IARS2: variants seen among roughly 807,000 people sequenced by gnomAD.
The protein encoded by IARS2 is isoleucyl-tRNA synthetase 2, mitochondrial.
A neutral mutation model predicts 126.3 loss-of-function variants in IARS2; 56 were observed. The observed-to-expected ratio is 0.44, with a 90% confidence interval of 0.36 to 0.55. The LOEUF is 0.55. Ranked by LOEUF, IARS2 falls within the 20% of genes least tolerant of loss-of-function variation. IARS2 has a pLI of 0.00. For synonymous variants in IARS2, 407 were observed against 441.1 expected, an observed-to-expected ratio of 0.92 and a Z score of 0.97; for missense variants, 1,127 against 1,245.9, an observed-to-expected ratio of 0.90 and a Z score of 1.44.
intron 14 of IARS2, among the ~76,000 whole-genome samples, chr1:220,128,534 G>A (rs1657197528): frequency 6.6e-6 from 1 of 152,068 alleles, no homozygotes; most frequent in Non-Finnish European, 1.5e-5. Context: ...AATCACCTAA[G>A]GACACATTTC....
rs137961544 is a variant in IARS2, at chr1:220,134,285, C to G, written c.1838-117C>G. ...TTAAGGTGGCATCTGTCAGTTTTCT[C>G]TATTGTAAAGTTACTTCCCTTCCTC... On this transcript the variant is annotated intron_variant, in intron 14 of 22. Transcript: ENST00000366922. 6.4e-5 allele frequency: 43 copies of G among 670,548 alleles called. No homozygotes were observed. In the African/African-American group the frequency reaches 7.0e-4, roughly 11 times the overall value. 41.5% of individuals were successfully genotyped at this position (670,548 alleles called of 1,614,324 possible).
In IARS2 at chr1:220,094,222, T is replaced by C. The variant is rs758280184; in HGVS notation, c.6T>C (p.Arg2=). 7.6e-6 allele frequency: 12 copies of C among 1,580,484 alleles called. No individual in the cohort carries two copies. In the African/African-American group the frequency reaches 8.2e-5, roughly 11 times the overall value. Residue 2 remains arginine, a synonymous_variant, in exon 1 of 23, where the codon CGT becomes CGC. Coordinates refer to ENST00000366922, the MANE Select transcript of IARS2 (RefSeq NM_018060.4). The part of the protein sequence containing the change: M[R]WGLRPRGPGA... ...CTCTCAGGGGTTGCCGGACCATGCG[T>C]TGGGGGCTGCGCCCTCGCGGGCCGG...
rs1337448875 is a variant in IARS2 at position 220,107,139 on chromosome 1, G to A, written c.1315G>A (p.Gly439Arg). The change falls in exon 10 of 23, where the codon GGA becomes AGA. Residue 439 changes from glycine (G) to arginine (R), a missense_variant. Physicochemically the swap from Gly to Arg is moderately radical, Grantham distance 125. Transcript: ENST00000366922. ...ELQNKAVLEE[G>R]TDVVIKMLQT... ...TCAAAACAAGGCTGTCCTTGAAGAGGGAACTGATGTGGGTGAGCATCATAT... is the reference window on the plus strand; with the variant it reads ...TCAAAACAAGGCTGTCCTTGAAGAGAGAACTGATGTGGGTGAGCATCATAT... The A allele has an allele frequency of 6.2e-7, 1 of 1,610,908 alleles. No homozygotes were observed. Among genetic ancestry groups the A allele is most frequent in the Non-Finnish European group, 8.5e-7 (1 of 1,177,208 alleles).
At chr1:220,103,018 A>T (rs1186923040) in intron 7 of IARS2, among the ~76,000 whole-genome samples, 2 of 151,622 alleles carry the variant, frequency 1.3e-5, no homozygotes, top group African/African-American at 4.8e-5. Context: ...GTACAGTTTG[A>T]TCTTGAAGTC....
rs1335453277 is a variant in IARS2, at chr1:220,147,498, G to A, written c.2902G>A (p.Asp968Asn). 20 of 1,613,784 alleles carry A rather than the reference G, an allele frequency of 1.2e-5. No homozygotes were observed. Among genetic ancestry groups the A allele is most frequent in the Non-Finnish European group, 1.6e-5 (19 of 1,179,854 alleles). Residue 968 changes from aspartate to asparagine, a missense_variant, in exon 23 of 23, where the codon GAT (aspartate) becomes AAT (asparagine). By Grantham distance (23) the Asp-to-Asn change is conservative. Transcript: ENST00000366922. ...GKFLINLEGG[D>N]IREESSYKVI... ...CTTCATGTATTTTTTTATAGGTGGT[G>A]ATATTCGTGAAGAGTCTTCCTATAA...
chr1:220,134,315 CTAATTGTTAT>C, intron 14 of IARS2, 77 bp from the exon 15 acceptor site: 1 of 904,686 alleles, frequency 1.1e-6, no homozygotes, highest in Non-Finnish European at 1.6e-6. Context: ...TTCCTCCCCA[CTAATTGTTAT>C]TAATAAGTAT....
Position 220,147,843 on chromosome 1 carries a change from A to G in IARS2, c.*208A>G, listed in dbSNP as rs1657639015. 1 of 558,228 alleles carries G rather than the reference A, an allele frequency of 1.8e-6. No individual in the cohort carries two copies. Among genetic ancestry groups the G allele is most frequent in the South Asian group, 2.8e-5 (1 of 36,028 alleles). 34.6% of individuals were successfully genotyped at this position (558,228 alleles called of 1,614,324 possible). On this transcript the variant is annotated 3_prime_UTR_variant, in exon 23 of 23. Transcript: ENST00000366922. ...TGTATATATACATGCAGAAATATATATGTGTGTGTGTATCTGTGGATGGAT... is the reference window on the plus strand; with the variant it reads ...TGTATATATACATGCAGAAATATATGTGTGTGTGTGTATCTGTGGATGGAT...
intron 14 of IARS2, among the ~76,000 whole-genome samples, chr1:220,128,837 TA>T (rs1485511293): frequency 6.6e-6 from 1 of 152,160 alleles, no homozygotes; most frequent in Non-Finnish European, 1.5e-5. Context: ...TCAAGTGGGT[TA>T]AAATCCATGA....
At chr1:220,118,956 A>G (rs954788101) in intron 12 of IARS2, among the ~76,000 whole-genome samples, 1 of 152,192 alleles carries the variant, frequency 6.6e-6, no homozygotes, top group African/African-American at 2.4e-5. Flanking sequence ...TAAATTTAGT[A>G]AACAAATGTG....
At chr1:220,123,578 A>G (rs1001210278) in intron 12 of IARS2, among the ~76,000 whole-genome samples, 3 of 152,042 alleles carry the variant, frequency 2.0e-5, no homozygotes, top group African/African-American at 7.2e-5. Context: ...GGTTCACGCC[A>G]TTCTCCTGCC....
intron 14 of IARS2, among the ~76,000 whole-genome samples, chr1:220,133,716 A>G (rs2102836730): frequency 6.6e-6 from 1 of 152,274 alleles, no homozygotes; most frequent in South Asian, 2.1e-4. Context: ...CATGCTCTTC[A>G]TCTAGATTTC....
intron 2 of IARS2, among the ~76,000 whole-genome samples, chr1:220,099,737 A>G (rs1248728444): frequency 6.6e-6 from 1 of 152,176 alleles, no homozygotes; most frequent in Non-Finnish European, 1.5e-5. Flanking sequence ...TTATATGATG[A>G]TTGATTTAAA....
intron 13 of IARS2, among the ~76,000 whole-genome samples, chr1:220,126,199 C>T (rs531229461): frequency 1.5e-4 from 23 of 152,134 alleles, no homozygotes; most frequent in African/African-American, 5.1e-4. Flanking sequence ...CACTTGAACC[C>T]AGGAGACGGA....
intron 10 of IARS2, among the ~76,000 whole-genome samples, chr1:220,108,808 C>T (rs72747387): frequency 0.14 from 21,545 of 149,978 alleles, 1,976 homozygotes; most frequent in Admixed American, 0.22. Flanking sequence ...TGTGAGCCAC[C>T]GTACCCAGCC....
At chr1:220,144,011 C>G in intron 21 of IARS2, 2 of 1,530,632 alleles carry the variant, frequency 1.3e-6, no homozygotes. Flanking sequence ...CTTGCTTCTT[C>G]ATGGTCCATG....
chr1:220,137,869 A>G, intron 16 of IARS2, 49 bp from the exon 17 acceptor site: 1 of 1,606,978 alleles, frequency 6.2e-7, no homozygotes, highest in Non-Finnish European at 8.5e-7. Context: ...TGTTCGGCTA[A>G]TTGGAATTGA....
chr1:220,134,336 C>T, intron 14 of IARS2, 66 bp from the exon 15 acceptor site: 1 of 1,115,202 alleles, frequency 9.0e-7, no homozygotes, highest in Non-Finnish European at 1.3e-6. Context: ...TAATAAGTAT[C>T]TTCTTTTTCT....
chr1:220,132,340 CT>C (rs1193914790), intron 14 of IARS2, among the ~76,000 whole-genome samples: 2 of 152,046 alleles, frequency 1.3e-5, no homozygotes, highest in Non-Finnish European at 2.9e-5. Flanking sequence ...TTTTTTGTTA[CT>C]TATTCAGTCC....
intron 9 of IARS2, 88 bp downstream of exon 9, chr1:220,106,148 G>C (rs910828101): frequency 6.1e-6 from 7 of 1,154,946 alleles, no homozygotes; most frequent in Non-Finnish European, 8.5e-6. Context: ...TTTTAAAAAT[G>C]ATGACTTTTG....
Sources: gnomAD v4.1 joint callset for allele counts (sites outside exome capture counted in the v4.1 genomes callset) on GRCh38, gnomAD v4.1.1 for gene constraint, MANE v1.5 for transcripts, NCBI Gene and HGNC (gene_info 2026-07-23, HGNC 2026-07-21) for gene names.